Variants in NAA60 observed in about 807,000 individuals in gnomAD.
The protein encoded by NAA60 is N-alpha-acetyltransferase 60, NatF catalytic subunit, also known as N-alpha-acetyltransferase 60.
A neutral mutation model predicts 26.1 loss-of-function variants in NAA60; 8 were observed. The observed-to-expected ratio is 0.31, with a 90% CI of 0.18 to 0.55. The LOEUF (loss-of-function observed/expected upper bound fraction) is 0.55, where lower values mean the gene tolerates loss of function less well. Among genes scored for constraint, NAA60 ranks in the 20% least tolerant of loss-of-function variants. NAA60 has a pLI of 0.93. For synonymous variants in NAA60, 131 were observed against 122.5 expected (o/e 1.07, Z -0.46); for missense variants, 290 against 311.3 (o/e 0.93, Z 0.51).
intron 3 of NAA60, among the ~76,000 whole-genome samples, chr16:3,478,716 C>T (rs1027852984): frequency 2.0e-5 from 3 of 152,168 alleles, no homozygotes; most frequent in Non-Finnish European, 1.5e-5. Context: ...TCAGGGAAGG[C>T]ATTGTAAACT....
Position 3,476,454 on chromosome 16 carries a change from C to T in NAA60, c.110+117C>T, listed in dbSNP as rs1246709014. 6.3e-6 allele frequency: 5 copies of T among 795,488 alleles called. No individual in the cohort carries two copies. In the East Asian group the frequency reaches 8.2e-5, roughly 13 times the overall value. 49.3% of individuals were successfully genotyped at this position (795,488 alleles called of 1,614,324 possible). ...GACCGTGCTGCAAAGATGGGAATGGCCTGGAGGGGCCACAGGGGTCCCAGG... is the reference window on the plus strand; with the variant it reads ...GACCGTGCTGCAAAGATGGGAATGGTCTGGAGGGGCCACAGGGGTCCCAGG... On this transcript the variant is annotated intron_variant, in intron 3 of 7. Coordinates refer to ENST00000407558, the MANE Select transcript of NAA60 (RefSeq NM_001083601.3).
chr16:3,461,515 G>A (rs892252756), intron 2 of NAA60, among the ~76,000 whole-genome samples: 9 of 152,202 alleles, frequency 5.9e-5, no homozygotes, highest in Admixed American at 4.6e-4. Context: ...AAGCCATCGC[G>A]AGAACTGGCT....
intron 2 of NAA60, among the ~76,000 whole-genome samples, chr16:3,466,559 T>C (rs1437029047): frequency 6.6e-6 from 1 of 152,230 alleles, no homozygotes; most frequent in East Asian, 1.9e-4. Flanking sequence ...TTTTCTCCCC[T>C]GTTCCCCAAA....
rs1157003574 is a variant in NAA60, at chr16:3,482,613, G to A, written c.337+15G>A. 6.3e-7 allele frequency: 1 copy of A among 1,576,744 alleles called. No homozygotes were observed. Among genetic ancestry groups the A allele is most frequent in the Admixed American group, 1.8e-5 (1 of 55,178 alleles). On this transcript the variant is annotated intron_variant, in intron 5 of 7. Coordinates refer to ENST00000407558, the MANE Select transcript of NAA60 (RefSeq NM_001083601.3). Reference sequence around the variant, plus strand: ...GCACGGCATAGGTAAGGGCAGCCGGGCCCGCGGCTTGGCGCCCACCCCACC... The same window carrying A: ...GCACGGCATAGGTAAGGGCAGCCGGACCCGCGGCTTGGCGCCCACCCCACC...
At chr16:3,473,704 CTTT>C (rs1237767177) in intron 2 of NAA60, among the ~76,000 whole-genome samples, 4 of 137,190 alleles carry the variant, frequency 2.9e-5, no homozygotes, top group South Asian at 2.6e-4. Context: ...TTGGCCCCAG[CTTT>C]TTGTTGTTGT....
rs1365172081 is a variant in NAA60 at position 3,485,795 on chromosome 16, TGGCCCCCACTCCTCCATGAGG to T, written c.*539_*559del. 2.5e-6 allele frequency: 1 copy of T among 398,596 alleles called. No individual in the cohort carries two copies. The highest frequency in any genetic ancestry group is 7.3e-5 in the East Asian group (1 of 13,704). The allele number at this position is 398,596 out of a possible 1,614,324, so 24.7% of individuals were successfully genotyped here. A position where few individuals can be genotyped will look rare whatever the true frequency, so the allele number is the denominator to read the frequency against. On this transcript the variant is annotated 3_prime_UTR_variant, in exon 8 of 8. Coordinates refer to ENST00000407558, the MANE Select transcript of NAA60 (RefSeq NM_001083601.3). ...CCAAAGAAGCCTGGGGGGTGAGGAG[TGGCCCCCACTCCTCCATGAGG>T]GGCTGATGAGGGGTGGGCAGCCTGG...
chr16:3,457,654 G>A (rs2035063559), intron 2 of NAA60, among the ~76,000 whole-genome samples: 1 of 152,232 alleles, frequency 6.6e-6, no homozygotes, highest in Admixed American at 6.5e-5. Context: ...TCAGTTGTTG[G>A]CCAGCCCCGG....
At chr16:3,473,548 C>T (rs190427679) in intron 2 of NAA60, among the ~76,000 whole-genome samples, 45 of 152,294 alleles carry the variant, frequency 3.0e-4, no homozygotes, top group Admixed American at 1.6e-3. Context: ...AGCTACAATT[C>T]AAGATGAGAT....
intron 2 of NAA60, among the ~76,000 whole-genome samples, chr16:3,472,726 C>T (rs1436194221): frequency 3.3e-5 from 5 of 152,220 alleles, no homozygotes; most frequent in African/African-American, 1.2e-4. Flanking sequence ...AGCCACCGCT[C>T]CTGGCCCTGG....
chr16:3,468,527 G>C (rs1348714743), intron 2 of NAA60, among the ~76,000 whole-genome samples: 1 of 152,192 alleles, frequency 6.6e-6, no homozygotes, highest in East Asian at 1.9e-4. Context: ...ACCGTGTCCG[G>C]AGAGGTCATT....
At chr16:3,449,954 ACC>A (rs2150946219) in intron 2 of NAA60, 1 of 397,928 alleles carries the variant, frequency 2.5e-6, no homozygotes, top group South Asian at 1.3e-4. Context: ...AGTCCATTAA[ACC>A]TCTTTTTTTT....
At position 3,476,077 on chromosome 16, in the gene NAA60, T is replaced by G. The variant is rs1042602376; in HGVS notation, c.-6-145T>G. 8 of 611,046 alleles carry G rather than the reference T, an allele frequency of 1.3e-5. No individual in the cohort carries two copies. In the South Asian group the frequency reaches 1.6e-4, roughly 12 times the overall value. 37.9% of individuals were successfully genotyped at this position (611,046 alleles called of 1,614,324 possible). On this transcript the variant is annotated intron_variant, in intron 2 of 7. Transcript: ENST00000407558. ...GCAGCGCCTCTTGGGAGGGCGATCG[T>G]GAGAGGCAGAGGCCTCTGAGTGCTG... is the stretch of plus-strand genomic sequence containing the variant.
Position 3,485,521 on chromosome 16 carries a change from G to T in NAA60, c.*261G>T, listed in dbSNP as rs758141406. 3 of 455,358 alleles carry T rather than the reference G, an allele frequency of 6.6e-6. No individual in the cohort carries two copies. Among genetic ancestry groups the T allele is most frequent in the South Asian group, 4.7e-5 (3 of 64,342 alleles). 28.2% of individuals were successfully genotyped at this position (455,358 alleles called of 1,614,324 possible). A position where few individuals can be genotyped will look rare whatever the true frequency, so the allele number is the denominator to read the frequency against. On this transcript the variant is annotated 3_prime_UTR_variant, in exon 8 of 8. Transcript: ENST00000407558. ...AACCTCTGCCTGCTGCCCTGGCCCT[G>T]CCCCCCTGCGCATGCACCGTCCCCA...
intron 2 of NAA60, among the ~76,000 whole-genome samples, chr16:3,473,436 CGTG>C (rs1297865771): frequency 6.6e-6 from 1 of 152,144 alleles, no homozygotes; most frequent in Non-Finnish European, 1.5e-5. Context: ...CATCAGGTCT[CGTG>C]GGACTTATTC....
Position 3,465,737 on chromosome 16 carries a change from C to T in NAA60, c.-6-10485C>T, listed in dbSNP as rs994492238. On this transcript the variant is annotated intron_variant, in intron 2 of 7. Coordinates refer to ENST00000407558, the MANE Select transcript of NAA60 (RefSeq NM_001083601.3). ...ACTTTTCATGTTTGCCGTGAGATTCCTCTAGCAAAAGCAGTGGGTTTTGTG... is the reference window on the plus strand; with the variant it reads ...ACTTTTCATGTTTGCCGTGAGATTCTTCTAGCAAAAGCAGTGGGTTTTGTG... Among the ~76,000 whole-genome samples the T allele has an allele frequency of 1.2e-4, 18 of 152,248 alleles. 1 individual carries two copies. Among genetic ancestry groups the T allele is most frequent in the African/African-American group, 4.3e-4 (18 of 41,534 alleles).
At chr16:3,445,489 CAG>C (rs2034515547) in intron 1 of NAA60, among the ~76,000 whole-genome samples, 1 of 151,554 alleles carries the variant, frequency 6.6e-6, no homozygotes, top group South Asian at 2.1e-4. Flanking sequence ...TCATGTTGGC[CAG>C]GATGGTCTCG....
Position 3,484,688 on chromosome 16 carries a change from C to T in NAA60, c.573-11C>T, listed in dbSNP as rs1231909778. On this transcript the variant is annotated splice_polypyrimidine_tract_variant and intron_variant, in intron 6 of 7. Coordinates refer to ENST00000407558, the MANE Select transcript of NAA60 (RefSeq NM_001083601.3). ...CAGGGCAAGTCGGAATCTTCCTTAACAGAGCCCCACGGACTACATCCAGCA... is the reference window on the plus strand; with the variant it reads ...CAGGGCAAGTCGGAATCTTCCTTAATAGAGCCCCACGGACTACATCCAGCA... 6.3e-7 allele frequency: 1 copy of T among 1,582,604 alleles called. No individual in the cohort carries two copies. The highest frequency in any genetic ancestry group is 8.6e-7 in the Non-Finnish European group (1 of 1,165,504).
chr16:3,485,409 G>T, intron 7 of NAA60, 58 bp from the exon 8 acceptor site: 1 of 463,584 alleles, frequency 2.2e-6, no homozygotes, highest in South Asian at 1.5e-5. Flanking sequence ...CAGGGTGTGG[G>T]GTGGGCAGAG....
At chr16:3,483,782 C>G in intron 6 of NAA60, 185 bp downstream of exon 6, 2 of 596,012 alleles carry the variant, frequency 3.4e-6, no homozygotes, top group Non-Finnish European at 5.9e-6. Flanking sequence ...AATCGAGTTG[C>G]ACATATTACC....
Sources: allele counts gnomAD v4.1 joint callset (sites outside exome capture counted in the v4.1 genomes callset), GRCh38; gene constraint gnomAD v4.1.1; transcripts MANE v1.5; gene names NCBI Gene and HGNC (gene_info 2026-07-23, HGNC 2026-07-21).